Variants in AMMECR1 observed in about 807,000 individuals in gnomAD.
AMMECR1 encodes the protein AMMECR nuclear protein 1, also known as nuclear protein AMMECR1.
AMMECR1 carries 3 observed loss-of-function variants against 22.5 expected under a neutral mutation model. The observed-to-expected ratio is 0.13, with a 90% CI of 0.06 to 0.35. The LOEUF (loss-of-function observed/expected upper bound fraction) is 0.35, where lower values mean the gene tolerates loss of function less well. Ranked by LOEUF, AMMECR1 falls within the 10% of genes least tolerant of loss-of-function variation. The pLI, the probability that AMMECR1 is intolerant of heterozygous loss-of-function variation, is 1.00. For missense variants in AMMECR1, 235 were observed against 278.7 expected, an observed-to-expected ratio of 0.84 and a Z score of 1.12; for synonymous variants, 130 against 116.7, an observed-to-expected ratio of 1.11 and a Z score of -0.74.
intron 4 of AMMECR1, among the ~76,000 whole-genome samples, chrX:110,201,927 A>G (rs890867327): frequency 1.5e-4 from 17 of 112,050 alleles, no homozygotes; most frequent in Non-Finnish European, 3.0e-4. Flanking sequence ...GTGAAACAGG[A>G]AAATTCTGAT....
At chrX:110,268,051 T>G (rs987896359) in intron 1 of AMMECR1, among the ~76,000 whole-genome samples, 5 of 112,398 alleles carry the variant, frequency 4.4e-5, no homozygotes, top group African/African-American at 6.5e-5. Flanking sequence ...CATGTAAAAG[T>G]GCACAGCACA....
intron 2 of AMMECR1, among the ~76,000 whole-genome samples, chrX:110,417,469 C>T (rs142288699): frequency 2.7e-5 from 3 of 110,077 alleles, no homozygotes; most frequent in South Asian, 3.7e-4. Flanking sequence ...GGTGTGCAGA[C>T]GCAAATGAGC....
intron 2 of AMMECR1, among the ~76,000 whole-genome samples, chrX:110,402,571 C>T (rs1288626964): frequency 1.8e-5 from 2 of 112,338 alleles, no homozygotes; most frequent in South Asian, 3.7e-4. Flanking sequence ...TGCCTAGGGG[C>T]GAGCCCTGTG....
At chrX:110,331,034 A>T (rs1321436003) in intron 2 of AMMECR1, among the ~76,000 whole-genome samples, 5 of 108,437 alleles carry the variant, frequency 4.6e-5, no homozygotes, top group African/African-American at 3.4e-5. Flanking sequence ...TCAGACCTCT[A>T]CTCTGTGTTT....
At chrX:110,393,938 A>G (rs949643348) in intron 2 of AMMECR1, among the ~76,000 whole-genome samples, 1 of 112,352 alleles carries the variant, frequency 8.9e-6, no homozygotes, top group African/African-American at 3.2e-5. Flanking sequence ...GTACACAATG[A>G]CCATACGAAT....
At chrX:110,370,463 C>T (rs1338054671) in intron 2 of AMMECR1, among the ~76,000 whole-genome samples, 1 of 112,360 alleles carries the variant, frequency 8.9e-6, no homozygotes, top group Non-Finnish European at 1.9e-5. Flanking sequence ...CCCGCCTAGG[C>T]CTCCCAAAGT....
chrX:110,431,323 C>CTGTGTGTGTGTG lies in AMMECR1; in HGVS notation c.-293-4532_-293-4521dup, dbSNP rs759432836. Among the ~76,000 whole-genome samples, 53 of 94,963 alleles carry CTGTGTGTGTGTG rather than the reference C, an allele frequency of 5.6e-4. 1 individual carries two copies. The highest frequency in any genetic ancestry group is 5.2e-3 in the Middle Eastern group (1 of 194). The allele number at this position is 94,963 out of a possible 115,157, so 82.5% of individuals were successfully genotyped here. ...CATGAGAAGGAAAATGAGGGGAAGG[C>CTGTGTGTGTGTG]TGTGTGTGTGTGTGTGTGTGTGTGT... is the stretch of plus-strand genomic sequence containing the variant. On this transcript the variant is annotated intron_variant, in intron 1 of 7. Coordinates refer to the AMMECR1 transcript ENST00000372057.
chrX:110,212,079 C>G (rs2067450483), intron 3 of AMMECR1, among the ~76,000 whole-genome samples: 1 of 112,125 alleles, frequency 8.9e-6, no homozygotes, highest in South Asian at 3.7e-4. Flanking sequence ...CAGAAGCACT[C>G]TAGCTCCTAA....
At chrX:110,437,900 C>A (rs1312124528) in intron 1 of AMMECR1, among the ~76,000 whole-genome samples, 5 of 111,449 alleles carry the variant, frequency 4.5e-5, no homozygotes, top group Non-Finnish European at 9.4e-5. Flanking sequence ...CTGAGGGTAC[C>A]TTTGCAGGGA....
intron 2 of AMMECR1, among the ~76,000 whole-genome samples, chrX:110,408,699 C>G (rs1479696140): frequency 8.9e-6 from 1 of 112,012 alleles, no homozygotes; most frequent in Non-Finnish European, 1.9e-5. Context: ...TGGAATTAAT[C>G]AATATAACAT....
intron 1 of AMMECR1, among the ~76,000 whole-genome samples, chrX:110,265,352 AC>A (rs781389424): frequency 8.9e-6 from 1 of 112,175 alleles, no homozygotes; most frequent in Non-Finnish European, 1.9e-5. Flanking sequence ...GCAGACATTA[AC>A]AAAATAATAC....
intron 2 of AMMECR1, among the ~76,000 whole-genome samples, chrX:110,245,027 AT>A (rs1044085660): frequency 8.9e-6 from 1 of 111,957 alleles, no homozygotes; most frequent in East Asian, 2.8e-4. Flanking sequence ...CAAAGGCCAT[AT>A]TTTTTTAAAA....
chrX:110,219,406 G>C, intron 2 of AMMECR1: 1 of 751,991 alleles, frequency 1.3e-6, no homozygotes, highest in Non-Finnish European at 1.6e-6. Context: ...TGCTGAAGTC[G>C]CTATACAGTT....
At position 110,216,693 on chromosome X, in the gene AMMECR1, T is replaced by C. The variant is rs2067474841; in HGVS notation, c.585-61A>G. ...GGATATGAAAGTTCCCAATTTCAAATGCAAACAATTGTTTGAAAAAGGTAA... is the reference window on the plus strand; with the variant it reads ...GGATATGAAAGTTCCCAATTTCAAACGCAAACAATTGTTTGAAAAAGGTAA... On this transcript the variant is annotated intron_variant, in intron 2 of 5. Coordinates refer to ENST00000262844, the MANE Select transcript of AMMECR1 (RefSeq NM_015365.3). 3 of 722,795 alleles carry C rather than the reference T, an allele frequency of 4.2e-6. No homozygotes were observed. In the Admixed American group the frequency reaches 8.5e-5, roughly 21 times the overall value. The allele number at this position is 722,795 out of a possible 1,213,427, so 59.6% of individuals were successfully genotyped here.
intron 1 of AMMECR1, among the ~76,000 whole-genome samples, chrX:110,315,521 GAAT>G (rs2068043897): frequency 8.9e-6 from 1 of 112,281 alleles, no homozygotes; most frequent in African/African-American, 3.2e-5. Flanking sequence ...TGTTTGAATA[GAAT>G]AATATCTAAA....
At chrX:110,258,524 C>A (rs2067721998) in intron 2 of AMMECR1, among the ~76,000 whole-genome samples, 1 of 112,140 alleles carries the variant, frequency 8.9e-6, no homozygotes, top group African/African-American at 3.2e-5. Flanking sequence ...AATTAATAAA[C>A]TGAAACTATC....
chrX:110,248,525 C>G (rs2067671079), intron 2 of AMMECR1, among the ~76,000 whole-genome samples: 1 of 112,279 alleles, frequency 8.9e-6, no homozygotes, highest in African/African-American at 3.2e-5. Flanking sequence ...TCAATTCCTT[C>G]CTGATACCAG....
chrX:110,364,497 C>T (rs2068284284), intron 2 of AMMECR1, among the ~76,000 whole-genome samples: 1 of 111,405 alleles, frequency 9.0e-6, no homozygotes, highest in African/African-American at 3.3e-5. Flanking sequence ...AGCCTTTTGT[C>T]TTTATTTGGT....
At chrX:110,262,299 G>A (rs1047269940) in intron 2 of AMMECR1, among the ~76,000 whole-genome samples, 19 of 111,513 alleles carry the variant, frequency 1.7e-4, no homozygotes, top group Non-Finnish European at 3.0e-4. Context: ...AGTAAAACCA[G>A]GTATGTGCAT....
Sources: allele counts gnomAD v4.1 joint callset (sites outside exome capture counted in the v4.1 genomes callset), GRCh38; gene constraint gnomAD v4.1.1; transcripts MANE v1.5; gene names NCBI Gene and HGNC (gene_info 2026-07-23, HGNC 2026-07-21).